Variants in SOX6 observed in about 807,000 individuals in gnomAD.
SOX6 encodes SRY-box transcription factor 6.
SOX6 carries 11 observed loss-of-function variants against 97.8 expected under a neutral mutation model. That is an observed-to-expected ratio of 0.11 (90% CI 0.07 to 0.19). The LOEUF is 0.19. SOX6 is among the 10% of genes least tolerant of loss of function. SOX6 has a pLI of 1.00. For missense variants in SOX6, 810 were observed against 1,039.5 expected (o/e 0.78, Z 3.04); for synonymous variants, 360 against 371.4 (o/e 0.97, Z 0.35).
intron 6 of SOX6, among the ~76,000 whole-genome samples, chr11:16,135,658 G>A (rs1849941748): frequency 6.6e-6 from 1 of 152,186 alleles, no homozygotes; most frequent in Non-Finnish European, 1.5e-5. Context: ...ATGTGAAGTT[G>A]CGCCTTATAG....
At chr11:16,568,187 T>C (rs1444252464) in intron 4 of SOX6, among the ~76,000 whole-genome samples, 1 of 152,134 alleles carries the variant, frequency 6.6e-6, no homozygotes, top group Non-Finnish European at 1.5e-5. Context: ...TCTCATTATG[T>C]ATATGCAAAT....
At chr11:16,492,301 C>T (rs1435339450) in intron 4 of SOX6, among the ~76,000 whole-genome samples, 1 of 152,136 alleles carries the variant, frequency 6.6e-6, no homozygotes, top group African/African-American at 2.4e-5. Flanking sequence ...TGATTTTAGC[C>T]AGAGCTGCAA....
At position 16,592,748 on chromosome 11, in the gene SOX6, A is replaced by C. The variant is rs565737281; in HGVS notation, n.609+19333T>G. Among the ~76,000 whole-genome samples, 6 of 152,274 alleles carry C rather than the reference A, an allele frequency of 3.9e-5. No individual in the cohort carries two copies. In the East Asian group the frequency reaches 1.2e-3, roughly 29 times the overall value. On this transcript the variant is annotated intron_variant and non_coding_transcript_variant, in intron 4 of 5. Transcript: ENST00000524520. ...AAATTGCAGAAACTAGCACATATACAAATCAAAAAAGAAGAATAACAGCCC... is the reference window on the plus strand; with the variant it reads ...AAATTGCAGAAACTAGCACATATACCAATCAAAAAAGAAGAATAACAGCCC...
intron 7 of SOX6, among the ~76,000 whole-genome samples, chr11:16,099,206 A>G (rs1848876745): frequency 6.6e-6 from 1 of 151,684 alleles, no homozygotes; most frequent in Non-Finnish European, 1.5e-5. Flanking sequence ...TTCTCCTTCC[A>G]TGAGGTTGAT....
At chr11:16,477,692 T>G (rs1003409328), upstream of SOX6, among the ~76,000 whole-genome samples, 15 of 151,792 alleles carry the variant, frequency 9.9e-5, no homozygotes, top group South Asian at 1.0e-3. Flanking sequence ...CTAAAAAAAG[T>G]TTTTTTTTAA....
chr11:16,231,789 C>T (rs1206021326), intron 4 of SOX6, among the ~76,000 whole-genome samples: 2 of 151,692 alleles, frequency 1.3e-5, no homozygotes, highest in African/African-American at 2.4e-5. Flanking sequence ...TTATGCAATA[C>T]TTTCTGCCAA....
chr11:16,733,463 A>G (rs1489882469), intron 2 of SOX6, among the ~76,000 whole-genome samples: 1 of 152,056 alleles, frequency 6.6e-6, no homozygotes, highest in African/African-American at 2.4e-5. Context: ...GAGTCTCAGC[A>G]AACCATCACA....
At chr11:16,299,316 A>C (rs2134271001) in intron 3 of SOX6, among the ~76,000 whole-genome samples, 1 of 152,310 alleles carries the variant, frequency 6.6e-6, no homozygotes, top group African/African-American at 2.4e-5. Flanking sequence ...ATTTTATCCC[A>C]AGTGATCACA....
chr11:16,727,782 G>A (rs907020300), intron 2 of SOX6, among the ~76,000 whole-genome samples: 2 of 151,748 alleles, frequency 1.3e-5, no homozygotes, highest in Admixed American at 1.3e-4. Context: ...GGAATGTTAG[G>A]GGAAATTTTA....
upstream of SOX6, among the ~76,000 whole-genome samples, chr11:16,481,176 C>T (rs1860339165): frequency 2.6e-5 from 4 of 151,928 alleles, no homozygotes; most frequent in Admixed American, 2.6e-4. Flanking sequence ...AGATTAAACC[C>T]ATGTTTATTG....
intron 4 of SOX6, among the ~76,000 whole-genome samples, chr11:16,481,503 C>T (rs1860343389): frequency 6.6e-6 from 1 of 152,158 alleles, no homozygotes; most frequent in Non-Finnish European, 1.5e-5. Context: ...TTCTCCTATT[C>T]TTAAAGATCT....
chr11:16,371,538 T>C (rs1322866922), intron 1 of SOX6, among the ~76,000 whole-genome samples: 1 of 152,116 alleles, frequency 6.6e-6, no homozygotes, highest in Non-Finnish European at 1.5e-5. Context: ...CAGAGATTTC[T>C]GTTTTGATCA....
chr11:16,563,118 A>C (rs1173488359), intron 4 of SOX6, among the ~76,000 whole-genome samples: 1 of 152,196 alleles, frequency 6.6e-6, no homozygotes, highest in Non-Finnish European at 1.5e-5. Flanking sequence ...ATAATCTGAC[A>C]AACATTTTAA....
At chr11:16,531,638 T>C (rs548136770) in intron 4 of SOX6, among the ~76,000 whole-genome samples, 1 of 151,894 alleles carries the variant, frequency 6.6e-6, no homozygotes, top group African/African-American at 2.4e-5. Flanking sequence ...TAAAAGCCCA[T>C]ACTCTAAATA....
In SOX6 at chr11:15,968,031, CA is replaced by C. The variant is rs1853190565; in HGVS notation, c.*4777del. 1 of 152,066 alleles carries C rather than the reference CA, an allele frequency of 6.6e-6. No homozygotes were observed. Among genetic ancestry groups the C allele is most frequent in the Non-Finnish European group, 1.5e-5 (1 of 68,036 alleles). 9.4% of individuals were successfully genotyped at this position (152,066 alleles called of 1,614,324 possible). A position where few individuals can be genotyped will look rare whatever the true frequency, so the allele number is the denominator to read the frequency against. ...AAATGTGTTTGCATATCAATATTTT[CA>C]ATGATATTAGTACAGGGGCACGCTC... On this transcript the variant is annotated 3_prime_UTR_variant, in exon 16 of 16. Transcript: ENST00000683767.
intron 9 of SOX6, among the ~76,000 whole-genome samples, chr11:16,060,246 T>C (rs1847913643): frequency 6.6e-6 from 1 of 151,966 alleles, no homozygotes; most frequent in African/African-American, 2.4e-5. Context: ...TAGTGTTAAT[T>C]GCTTCTTTTA....
At chr11:16,364,804 C>A (rs1247014272) in intron 1 of SOX6, among the ~76,000 whole-genome samples, 2 of 152,036 alleles carry the variant, frequency 1.3e-5, no homozygotes, top group African/African-American at 2.4e-5. Flanking sequence ...TGTGACATAG[C>A]AGGAATATCA....
At chr11:16,539,621 A>C (rs1008576919) in intron 4 of SOX6, among the ~76,000 whole-genome samples, 15 of 152,184 alleles carry the variant, frequency 9.9e-5, no homozygotes, top group African/African-American at 3.6e-4. Context: ...AGATGCAATA[A>C]AAAATGATAA....
chr11:16,673,378 G>C (rs61026709), intron 3 of SOX6, among the ~76,000 whole-genome samples: 2 of 151,818 alleles, frequency 1.3e-5, no homozygotes, highest in Non-Finnish European at 2.9e-5. Flanking sequence ...AAGAAAAAAA[G>C]AGAAAAAACT....
Sources: gnomAD v4.1 joint callset for allele counts (sites outside exome capture counted in the v4.1 genomes callset) on GRCh38, gnomAD v4.1.1 for gene constraint, MANE v1.5 for transcripts, NCBI Gene and HGNC (gene_info 2026-07-23, HGNC 2026-07-21) for gene names.